The following GALNTL6 variants were observed in gnomAD, a reference collection of about 807,000 sequenced individuals.
GALNTL6 encodes the protein polypeptide N-acetylgalactosaminyltransferase like 6.
In GALNTL6, 46 loss-of-function variants were observed where a neutral mutation model predicts 73.7. The observed-to-expected ratio is 0.62, with a 90% CI of 0.49 to 0.80. The LOEUF (loss-of-function observed/expected upper bound fraction) is 0.80, where lower values mean the gene tolerates loss of function less well. Ranked by LOEUF, GALNTL6 falls within the 30% of genes least tolerant of loss-of-function variation. The pLI, the probability that GALNTL6 is intolerant of heterozygous loss-of-function variation, is 0.00. For missense variants in GALNTL6, 604 were observed against 755.0 expected, an observed-to-expected ratio of 0.80 and a Z score of 2.34; for synonymous variants, 259 against 263.7, an observed-to-expected ratio of 0.98 and a Z score of 0.17.
chr4:172,202,099 A>C (rs538251297), intron 2 of GALNTL6, among the ~76,000 whole-genome samples: 149 of 152,316 alleles, frequency 9.8e-4, no homozygotes, highest in South Asian at 7.5e-3. Flanking sequence ...CATCTCATGT[A>C]AATGTAGATA....
intron 4 of GALNTL6, among the ~76,000 whole-genome samples, chr4:172,335,296 T>C (rs149760761): frequency 6.6e-6 from 1 of 152,334 alleles, no homozygotes; most frequent in Admixed American, 6.5e-5. Context: ...AAGGCCTAAC[T>C]GATCGTGGTG....
At chr4:172,432,346 C>T (rs1396905158) in intron 5 of GALNTL6, among the ~76,000 whole-genome samples, 1 of 151,412 alleles carries the variant, frequency 6.6e-6, no homozygotes, top group Non-Finnish European at 1.5e-5. Flanking sequence ...GTCAGTAGTG[C>T]ATAAAATTTA....
intron 10 of GALNTL6, among the ~76,000 whole-genome samples, chr4:172,969,805 T>C (rs1355506454): frequency 6.6e-6 from 1 of 152,044 alleles, no homozygotes; most frequent in Non-Finnish European, 1.5e-5. Flanking sequence ...GTTTGAGAGG[T>C]GATTAGGTCA....
intron 5 of GALNTL6, among the ~76,000 whole-genome samples, chr4:172,478,950 AACCACAGTGAGAT>A (rs1733340755): frequency 6.6e-6 from 1 of 152,140 alleles, no homozygotes; most frequent in Non-Finnish European, 1.5e-5. Flanking sequence ...TGTAAATTAA[AACCACAGTGAGAT>A]ACCACCTTAC....
intron 5 of GALNTL6, among the ~76,000 whole-genome samples, chr4:172,641,273 C>G (rs1739962746): frequency 6.6e-6 from 1 of 152,042 alleles, no homozygotes; most frequent in Admixed American, 6.6e-5. Flanking sequence ...ATAAGTCAGA[C>G]TATATTACTC....
chr4:171,814,459 A>G lies in GALNTL6; in HGVS notation c.-122A>G. The G allele has an allele frequency of 1.9e-6, 2 of 1,068,226 alleles. No homozygotes were observed. Among genetic ancestry groups the G allele is most frequent in the South Asian group, 1.4e-5 (1 of 70,574 alleles). The allele number at this position is 1,068,226 out of a possible 1,614,324, so 66.2% of individuals were successfully genotyped here. On this transcript the variant is annotated 5_prime_UTR_variant, in exon 2 of 13. Coordinates refer to ENST00000506823, the MANE Select transcript of GALNTL6 (RefSeq NM_001034845.3). ...TGCAGATTGGTGCTGAGCACGCAAC[A>G]AAAGTTTGTAGCTTCTCAGTTTCTG...
chr4:171,850,184 C>G (rs1186427907), intron 2 of GALNTL6, among the ~76,000 whole-genome samples: 2 of 152,156 alleles, frequency 1.3e-5, no homozygotes, highest in Admixed American at 1.3e-4. Context: ...GCTGGCCAGG[C>G]TGTTCTCGAA....
At chr4:172,446,369 C>T (rs1021791366) in intron 5 of GALNTL6, among the ~76,000 whole-genome samples, 15 of 151,964 alleles carry the variant, frequency 9.9e-5, no homozygotes, top group African/African-American at 3.1e-4. Flanking sequence ...ATTGAGATTG[C>T]CCTTAGAAAT....
At chr4:172,801,689 C>T (rs1186583243) in intron 5 of GALNTL6, among the ~76,000 whole-genome samples, 1 of 152,170 alleles carries the variant, frequency 6.6e-6, no homozygotes, top group Non-Finnish European at 1.5e-5. Context: ...TAGATGAAGA[C>T]TTGGTGTTTT....
chr4:171,967,447 G>GTTTTTTGTTTTT (rs1553976625), intron 2 of GALNTL6, among the ~76,000 whole-genome samples: 7 of 14,326 alleles, frequency 4.9e-4, no homozygotes, highest in African/African-American at 4.9e-4. Flanking sequence ...CCCCCTATGG[G>GTTTTTTGTTTTT]TTTTTTTTTT....
At chr4:172,633,093 G>A (rs2111100627) in intron 5 of GALNTL6, among the ~76,000 whole-genome samples, 1 of 152,328 alleles carries the variant, frequency 6.6e-6, no homozygotes, top group Admixed American at 6.5e-5. Flanking sequence ...GCTTCTGCTA[G>A]GGCAGTGTGG....
chr4:171,913,314 T>C (rs1317022452), intron 2 of GALNTL6, among the ~76,000 whole-genome samples: 3 of 152,198 alleles, frequency 2.0e-5, no homozygotes, highest in Admixed American at 1.3e-4. Flanking sequence ...CAAGACAACA[T>C]GGATAGTAGA....
At chr4:172,426,309 A>G (rs899362235) in intron 5 of GALNTL6, among the ~76,000 whole-genome samples, 2 of 149,398 alleles carry the variant, frequency 1.3e-5, no homozygotes, top group Non-Finnish European at 3.0e-5. Context: ...TAAAACATCT[A>G]TGAAATAACA....
At chr4:172,279,875 A>T (rs1738979668) in intron 3 of GALNTL6, among the ~76,000 whole-genome samples, 1 of 152,184 alleles carries the variant, frequency 6.6e-6, no homozygotes, top group Non-Finnish European at 1.5e-5. Flanking sequence ...GACTATCCAC[A>T]CAATAGAATA....
At chr4:173,009,386 T>C (rs1177173865) in intron 11 of GALNTL6, 92 bp downstream of exon 11, 1 of 799,962 alleles carries the variant, frequency 1.3e-6, no homozygotes, top group African/African-American at 1.7e-5. Flanking sequence ...CTCCGAATGG[T>C]GCAGATGGTA....
intron 4 of GALNTL6, among the ~76,000 whole-genome samples, chr4:172,325,569 A>G (rs1156949075): frequency 6.6e-6 from 1 of 151,980 alleles, no homozygotes; most frequent in Non-Finnish European, 1.5e-5. Flanking sequence ...AGTTAAAGCA[A>G]AACAACATTT....
intron 3 of GALNTL6, among the ~76,000 whole-genome samples, chr4:172,307,682 T>C (rs1740191953): frequency 1.3e-5 from 2 of 152,200 alleles, no homozygotes; most frequent in South Asian, 4.1e-4. Context: ...TTGCCTTTAT[T>C]TCTGGGCTCT....
chr4:172,410,681 T>G (rs1038363527), intron 5 of GALNTL6, among the ~76,000 whole-genome samples: 22 of 152,218 alleles, frequency 1.4e-4, no homozygotes, highest in Non-Finnish European at 2.9e-4. Flanking sequence ...GAAAACTAAC[T>G]TAATAAATAA....
intron 2 of GALNTL6, among the ~76,000 whole-genome samples, chr4:172,178,531 G>C (rs113799235): frequency 6.6e-6 from 1 of 151,872 alleles, no homozygotes; most frequent in Admixed American, 6.6e-5. Context: ...TTGGTTTTCT[G>C]TTCCTGTGTT....
Sources: gnomAD v4.1 joint callset for allele counts (sites outside exome capture counted in the v4.1 genomes callset) on GRCh38, gnomAD v4.1.1 for gene constraint, MANE v1.5 for transcripts, NCBI Gene and HGNC (gene_info 2026-07-23, HGNC 2026-07-21) for gene names.